The following YAP1 variants were observed in gnomAD, a reference collection of about 807,000 sequenced individuals.
YAP1 encodes transcriptional coactivator YAP1.
YAP1 carries 5 observed loss-of-function variants against 56.9 expected under a neutral mutation model. That is an observed-to-expected ratio of 0.09 (90% CI 0.05 to 0.18). The LOEUF (loss-of-function observed/expected upper bound fraction) is 0.18, where lower values mean the gene tolerates loss of function less well. YAP1 is among the 10% of genes least tolerant of loss of function. The pLI is 1.00. For missense variants in YAP1, 539 were observed against 651.8 expected, an observed-to-expected ratio of 0.83 and a Z score of 1.88; for synonymous variants, 265 against 248.1, an observed-to-expected ratio of 1.07 and a Z score of -0.64.
chr11:102,207,999 G>A (rs1460070133), intron 5 of YAP1, among the ~76,000 whole-genome samples: 1 of 152,126 alleles, frequency 6.6e-6, no homozygotes, highest in Non-Finnish European at 1.5e-5. Context: ...CCCACCAAAA[G>A]GAATACAATT....
rs778409618 is a variant in YAP1 at position 102,229,714 on chromosome 11, A to G, written c.1289A>G (p.Asn430Ser). 2.5e-6 allele frequency: 4 copies of G among 1,614,074 alleles called. No individual in the cohort carries two copies. In the East Asian group the frequency reaches 8.9e-5, roughly 36 times the overall value. Residue 430 changes from asparagine (N) to serine (S), a missense_variant, in exon 9 of 9, where the codon AAC (asparagine) becomes AGC (serine). Physicochemically the swap from Asn to Ser is conservative, Grantham distance 46 (BLOSUM62 1). Around this residue, in one of 4 missense-constraint regions of YAP1, gnomAD observed 414 missense variants for 512.4 expected, o/e 0.81. Transcript: ENST00000282441. ...GTGTTTCCACTAGGTGATACTATCA[A>G]CCAAAGCACCCTGCCCTCACAGCAG... ...VDEMDTGDTI[N>S]QSTLPSQQNR...
At chr11:102,209,216 G>A (rs1049249936) in intron 5 of YAP1, among the ~76,000 whole-genome samples, 3 of 152,048 alleles carry the variant, frequency 2.0e-5, no homozygotes, top group African/African-American at 7.2e-5. Flanking sequence ...CAAATATATT[G>A]TATCTGCTTT....
chr11:102,176,668 C>T (rs1714629316), intron 3 of YAP1, among the ~76,000 whole-genome samples: 2 of 134,114 alleles, frequency 1.5e-5, no homozygotes, highest in Admixed American at 1.9e-4. Context: ...ATCACTTGAA[C>T]CCAGGAGGCG....
At chr11:102,118,410 G>A (rs1943431347) in intron 2 of YAP1, among the ~76,000 whole-genome samples, 1 of 151,054 alleles carries the variant, frequency 6.6e-6, no homozygotes, top group South Asian at 2.1e-4. Context: ...ATATTAATTT[G>A]CCTTGTAGAT....
intron 1 of YAP1, chr11:102,112,425 C>CTTTTTTTTTTTTTTTTTTTTTTT (rs751339753): frequency 7.1e-6 from 5 of 704,154 alleles, no homozygotes; most frequent in African/African-American, 5.1e-5. Flanking sequence ...ATTTCTTCTT[C>CTTTTTTTTTTTTTTTTTTTTTTT]TTTTTTTTTT....
At chr11:102,227,632 T>C in intron 8 of YAP1, 51 bp downstream of exon 8, 2 of 1,217,382 alleles carry the variant, frequency 1.6e-6, no homozygotes, top group South Asian at 2.5e-5. Flanking sequence ...TGGGATATGT[T>C]ATCACCAGGT....
chr11:102,165,994 A>G, intron 3 of YAP1, among the ~76,000 whole-genome samples: 1 of 152,226 alleles, frequency 6.6e-6, no homozygotes, highest in East Asian at 1.9e-4. Context: ...GAATATTCAA[A>G]GAGAGCACTC....
chr11:102,144,912 A>G (rs1945243828), intron 2 of YAP1, among the ~76,000 whole-genome samples: 1 of 151,980 alleles, frequency 6.6e-6, no homozygotes, highest in African/African-American at 2.4e-5. Context: ...TCATGCTCAC[A>G]CACACTTATT....
At chr11:102,187,757 A>G (rs1205145779) in intron 4 of YAP1, among the ~76,000 whole-genome samples, 1 of 152,226 alleles carries the variant, frequency 6.6e-6, no homozygotes, top group Non-Finnish European at 1.5e-5. Flanking sequence ...TTGATTACAC[A>G]CACAGCTTGG....
chr11:102,214,045 C>G (rs570369353), intron 6 of YAP1, among the ~76,000 whole-genome samples: 3 of 152,142 alleles, frequency 2.0e-5, no homozygotes, highest in South Asian at 2.1e-4. Flanking sequence ...CCACTACACT[C>G]CAGCCTGGGT....
chr11:102,232,906 A>G lies in YAP1; in HGVS notation c.*2966A>G, dbSNP rs1415201156. The G allele has an allele frequency of 1.3e-5, 2 of 152,406 alleles. No individual in the cohort carries two copies. The highest frequency in any genetic ancestry group is 2.9e-5 in the Non-Finnish European group (2 of 68,032). 9.4% of individuals were successfully genotyped at this position (152,406 alleles called of 1,614,324 possible). ...AAGGAAAAATGAACACAGGGAAGTG[A>G]CTTTGCTACAAATAATGTTGCTGTG... On this transcript the variant is annotated 3_prime_UTR_variant, in exon 9 of 9. Transcript: ENST00000282441.
intron 2 of YAP1, among the ~76,000 whole-genome samples, chr11:102,120,060 T>TA (rs1287548906): frequency 2.0e-5 from 3 of 152,166 alleles, no homozygotes; most frequent in African/African-American, 7.2e-5. Context: ...ATGCACTTCT[T>TA]ACAAAAAGGG....
intron 4 of YAP1, among the ~76,000 whole-genome samples, chr11:102,200,411 TA>T (rs1277200462): frequency 1.3e-5 from 2 of 151,796 alleles, no homozygotes; most frequent in Non-Finnish European, 2.9e-5. Context: ...TTCAGATTTT[TA>T]AAAAGATTGA....
At chr11:102,181,447 AAAATAAAT>A (rs529734830) in intron 3 of YAP1, among the ~76,000 whole-genome samples, 5 of 152,018 alleles carry the variant, frequency 3.3e-5, no homozygotes, top group Non-Finnish European at 5.9e-5. Flanking sequence ...CTCCGTCTCA[AAAATAAAT>A]AAATAAATAA....
intron 2 of YAP1, among the ~76,000 whole-genome samples, chr11:102,117,374 T>G (rs536952002): frequency 6.6e-6 from 1 of 152,368 alleles, no homozygotes; most frequent in Admixed American, 6.5e-5. Flanking sequence ...AGATATTTGT[T>G]GGAACTGACT....
intron 4 of YAP1, among the ~76,000 whole-genome samples, chr11:102,197,388 C>G (rs1023779489): frequency 2.3e-4 from 35 of 152,074 alleles, no homozygotes; most frequent in African/African-American, 8.2e-4. Context: ...AAGTTTATGA[C>G]TAACAGATCT....
Position 102,114,312 on chromosome 11 carries a change from T to C in YAP1, c.490T>C (p.Ser164Pro). 1 of 1,614,174 alleles carries C rather than the reference T, an allele frequency of 6.2e-7. No homozygotes were observed. Among genetic ancestry groups the C allele is most frequent in the Non-Finnish European group, 8.5e-7 (1 of 1,180,010 alleles). The change falls in exon 2 of 9, where the codon TCT becomes CCT. Residue 164 changes from serine to proline, a missense_variant. Physicochemically the swap from Ser to Pro is moderately conservative, Grantham distance 74 (BLOSUM62 -1). Around this residue, in one of 4 missense-constraint regions of YAP1, gnomAD observed 414 missense variants for 512.4 expected, o/e 0.81. Transcript: ENST00000282441. ...CACAGCTCAGCATCTTCGACAGTCTTCTTTTGAGATACCTGATGATGTACC... is the reference window on the plus strand; with the variant it reads ...CACAGCTCAGCATCTTCGACAGTCTCCTTTTGAGATACCTGATGATGTACC... ...TPTAQHLRQS[S>P]FEIPDDVPLP...
chr11:102,122,896 A>C (rs988211827), intron 2 of YAP1, among the ~76,000 whole-genome samples: 4 of 8,410 alleles, frequency 4.8e-4, no homozygotes. Context: ...GACTTCTCTC[A>C]AAAAAAAAAA....
chr11:102,171,653 G>A (rs926612618), intron 3 of YAP1, among the ~76,000 whole-genome samples: 3 of 152,168 alleles, frequency 2.0e-5, no homozygotes, highest in Non-Finnish European at 2.9e-5. Flanking sequence ...AAAGTCTGAA[G>A]AGTTGCATAT....
Sources: allele counts gnomAD v4.1 joint callset (sites outside exome capture counted in the v4.1 genomes callset), GRCh38; gene constraint gnomAD v4.1.1; regional missense constraint gnomAD v4.1.1; transcripts MANE v1.5; gene names NCBI Gene and HGNC (gene_info 2026-07-23, HGNC 2026-07-21).